The following UBE2H variants were observed in gnomAD, a reference collection of about 807,000 sequenced individuals.
UBE2H encodes the protein ubiquitin-conjugating enzyme E2 H.
A neutral mutation model predicts 29.0 loss-of-function variants in UBE2H; 3 were observed. The observed-to-expected ratio is 0.10, with a 90% CI of 0.05 to 0.27. The LOEUF is 0.27. Ranked by LOEUF, UBE2H falls within the 10% of genes least tolerant of loss-of-function variation. UBE2H has a pLI of 1.00. For missense variants in UBE2H, 68 were observed against 228.2 expected, an observed-to-expected ratio of 0.30 and a Z score of 4.52; for synonymous variants, 69 against 82.9, an observed-to-expected ratio of 0.83 and a Z score of 0.91.
At chr7:129,927,647 C>T (rs769088534) in intron 1 of UBE2H, among the ~76,000 whole-genome samples, 1 of 152,216 alleles carries the variant, frequency 6.6e-6, no homozygotes, top group Non-Finnish European at 1.5e-5. Context: ...ATTAAAACCA[C>T]ATCTTATAAT....
At chr7:129,930,313 C>T (rs1437441158) in intron 1 of UBE2H, among the ~76,000 whole-genome samples, 2 of 152,100 alleles carry the variant, frequency 1.3e-5, no homozygotes, top group Admixed American at 1.3e-4. Flanking sequence ...AGGCATGCGC[C>T]ACCATGACCA....
intron 1 of UBE2H, among the ~76,000 whole-genome samples, chr7:129,932,023 T>C (rs1216415286): frequency 6.6e-6 from 1 of 151,704 alleles, no homozygotes; most frequent in Non-Finnish European, 1.5e-5. Context: ...GGGGTTTCAC[T>C]GTGTTGGCCA....
At chr7:129,880,802 A>T (rs1396168553) in intron 2 of UBE2H, 93 bp downstream of exon 2, 5 of 1,178,836 alleles carry the variant, frequency 4.2e-6, no homozygotes, top group Non-Finnish European at 5.9e-6. Flanking sequence ...TGCTTTTCAG[A>T]AACTACGCAT....
chr7:129,831,394 A>C lies in UBE2H; in HGVS notation c.*3543T>G, dbSNP rs1249346047. ...TAGTTCCCAGAGACTTGGTGTCCAG[A>C]AACTTGACCCACAGAGGCTAGCGGA... On this transcript the variant is annotated 3_prime_UTR_variant, in exon 7 of 7. Coordinates refer to ENST00000355621, the MANE Select transcript of UBE2H (RefSeq NM_003344.4). 2 of 152,352 alleles carry C rather than the reference A, an allele frequency of 1.3e-5. No homozygotes were observed. The highest frequency in any genetic ancestry group is 6.5e-5 in the Admixed American group (1 of 15,304). The allele number at this position is 152,352 out of a possible 1,614,324, so 9.4% of individuals were successfully genotyped here.
chr7:129,861,857 C>T (rs140647605), intron 3 of UBE2H, among the ~76,000 whole-genome samples: 6 of 152,316 alleles, frequency 3.9e-5, no homozygotes, highest in Admixed American at 3.3e-4. Context: ...CACTGCACTC[C>T]AGCCTGGAAG....
At chr7:129,901,847 A>G (rs1355804337) in intron 1 of UBE2H, among the ~76,000 whole-genome samples, 2 of 152,100 alleles carry the variant, frequency 1.3e-5, no homozygotes, top group Non-Finnish European at 2.9e-5. Context: ...CACCCACCTC[A>G]GCCTCCCAAA....
chr7:129,902,128 A>T (rs1459481088), intron 1 of UBE2H, among the ~76,000 whole-genome samples: 2 of 152,236 alleles, frequency 1.3e-5, no homozygotes, highest in East Asian at 3.8e-4. Context: ...GAAAAGGCTG[A>T]GCAAATGAAT....
chr7:129,857,345 A>T, intron 5 of UBE2H, 166 bp downstream of exon 5: 1 of 649,068 alleles, frequency 1.5e-6, no homozygotes, highest in Non-Finnish European at 2.7e-6. Flanking sequence ...ATATATTTGT[A>T]CTTAAGAGAA....
intron 3 of UBE2H, among the ~76,000 whole-genome samples, chr7:129,864,420 C>T (rs1056834569): frequency 6.6e-6 from 1 of 152,178 alleles, no homozygotes; most frequent in African/African-American, 2.4e-5. Context: ...AGACCAGGAA[C>T]TATTTTCAAG....
intron 5 of UBE2H, among the ~76,000 whole-genome samples, chr7:129,854,928 A>C (rs1298288782): frequency 2.6e-5 from 4 of 152,210 alleles, no homozygotes; most frequent in Non-Finnish European, 4.4e-5. Context: ...GAAAAAAAAA[A>C]CAGTCACAAA....
chr7:129,880,990 G>A lies in UBE2H; in HGVS notation c.54-19C>T, dbSNP rs779360145. On this transcript the variant is annotated intron_variant, in intron 1 of 6. Transcript: ENST00000355621. ...CTCGATGCTAAGGTGGACGGTAAAG[G>A]AAATTACACAGGCTTTACAGTATCT... 1 of 1,607,090 alleles carries A rather than the reference G, an allele frequency of 6.2e-7. No homozygotes were observed. Among genetic ancestry groups the A allele is most frequent in the Non-Finnish European group, 8.5e-7 (1 of 1,175,794 alleles).
chr7:129,896,359 G>T (rs1457648737), intron 1 of UBE2H, among the ~76,000 whole-genome samples: 1 of 151,666 alleles, frequency 6.6e-6, no homozygotes, highest in Non-Finnish European at 1.5e-5. Flanking sequence ...AAATCTTTAA[G>T]AACACTGCTT....
chr7:129,853,795 T>C (rs1413526576), intron 5 of UBE2H, among the ~76,000 whole-genome samples: 1 of 152,192 alleles, frequency 6.6e-6, no homozygotes, highest in East Asian at 1.9e-4. Context: ...TGAATGTTGT[T>C]TAATATCAGG....
intron 1 of UBE2H, among the ~76,000 whole-genome samples, chr7:129,900,028 G>C (rs1441950953): frequency 6.6e-6 from 1 of 151,934 alleles, no homozygotes. Flanking sequence ...TACTCGAGAG[G>C]CTGAGGCAGG....
chr7:129,900,308 T>C (rs1335518582), intron 1 of UBE2H, among the ~76,000 whole-genome samples: 1 of 151,984 alleles, frequency 6.6e-6, no homozygotes. Context: ...TTTAATTATC[T>C]CAACATCCAA....
intron 1 of UBE2H, among the ~76,000 whole-genome samples, chr7:129,928,943 AAAGAT>A (rs1238504669): frequency 6.6e-6 from 1 of 152,236 alleles, no homozygotes; most frequent in Non-Finnish European, 1.5e-5. Context: ...TGCTTGAAAT[AAAGAT>A]AACTGCTTTA....
chr7:129,932,579 G>A (rs866411231), intron 1 of UBE2H, among the ~76,000 whole-genome samples: 7 of 150,732 alleles, frequency 4.6e-5, no homozygotes, highest in South Asian at 2.1e-4. Context: ...TCGAGACCAC[G>A]CTGGCTAACA....
chr7:129,950,187 T>C (rs1311132380), intron 1 of UBE2H, among the ~76,000 whole-genome samples: 1 of 152,152 alleles, frequency 6.6e-6, no homozygotes, highest in Non-Finnish European at 1.5e-5. Flanking sequence ...CAAACTCCAT[T>C]ATACCAGAAA....
intron 1 of UBE2H, among the ~76,000 whole-genome samples, chr7:129,886,853 A>G (rs1806373928): frequency 6.7e-6 from 1 of 150,166 alleles, no homozygotes. Context: ...TGGGGGGGAT[A>G]TGTTTACAAG....
Sources: allele counts gnomAD v4.1 joint callset (sites outside exome capture counted in the v4.1 genomes callset), GRCh38; gene constraint gnomAD v4.1.1; transcripts MANE v1.5; gene names NCBI Gene and HGNC (gene_info 2026-07-23, HGNC 2026-07-21).